Variants in GPLD1 observed in about 807,000 individuals in gnomAD.
GPLD1 encodes glycosylphosphatidylinositol specific phospholipase D1.
GPLD1 carries 84 observed loss-of-function variants against 112.6 expected under a neutral mutation model. The observed-to-expected ratio is 0.75, with a 90% CI of 0.63 to 0.89. GPLD1 has a LOEUF of 0.89. Among genes scored for constraint, GPLD1 ranks in the 40% least tolerant of loss-of-function variants. The pLI, the probability that GPLD1 is intolerant of heterozygous loss-of-function variation, is 0.00. For synonymous variants in GPLD1, 386 were observed against 403.8 expected, an observed-to-expected ratio of 0.96 and a Z score of 0.53; for missense variants, 1,044 against 1,051.5, an observed-to-expected ratio of 0.99 and a Z score of 0.10.
At chr6:24,479,618 C>T (rs1400505617) in intron 3 of GPLD1, among the ~76,000 whole-genome samples, 4 of 152,144 alleles carry the variant, frequency 2.6e-5, no homozygotes, top group Non-Finnish European at 5.9e-5. Flanking sequence ...TCTATCATGT[C>T]ACTTAGGTTT....
intron 20 of GPLD1, among the ~76,000 whole-genome samples, chr6:24,438,901 C>G (rs915303728): frequency 2.0e-5 from 3 of 152,162 alleles, no homozygotes; most frequent in African/African-American, 7.2e-5. Flanking sequence ...ATTCTCCTGC[C>G]TCAGCCTCCC....
At chr6:24,454,738 C>G (rs1283264313) in intron 13 of GPLD1, among the ~76,000 whole-genome samples, 2 of 152,216 alleles carry the variant, frequency 1.3e-5, no homozygotes, top group Non-Finnish European at 2.9e-5. Context: ...CCACCAGTTA[C>G]AGAGCTGGAT....
rs542596215 is a variant in GPLD1 at position 24,453,357 on chromosome 6, C to A, written c.1335+658G>T. 3.3e-5 allele frequency among the ~76,000 whole-genome samples: 5 copies of A among 152,288 alleles called. No homozygotes were observed. In the South Asian group the frequency reaches 1.0e-3, roughly 32 times the overall value. On this transcript the variant is annotated intron_variant, in intron 14 of 24. Coordinates refer to ENST00000230036, the MANE Select transcript of GPLD1 (RefSeq NM_001503.4). ...TTTTCTGTGAATCTAAAATTCTGGACGGATGCAGTGGCTCACGCCTGTAAT... is the reference window on the plus strand; with the variant it reads ...TTTTCTGTGAATCTAAAATTCTGGAAGGATGCAGTGGCTCACGCCTGTAAT...
chr6:24,469,975 G>C (rs1449568517), intron 7 of GPLD1, among the ~76,000 whole-genome samples: 1 of 152,040 alleles, frequency 6.6e-6, no homozygotes, highest in Non-Finnish European at 1.5e-5. Flanking sequence ...TTTTTTAAAT[G>C]AATCACCAAG....
intron 12 of GPLD1, among the ~76,000 whole-genome samples, chr6:24,458,039 G>T (rs1374263891): frequency 6.6e-6 from 1 of 151,582 alleles, no homozygotes; most frequent in Admixed American, 6.6e-5. Flanking sequence ...TCTTAATGTG[G>T]TTACTGCAGA....
At chr6:24,452,468 C>G (rs1270621952) in intron 14 of GPLD1, among the ~76,000 whole-genome samples, 1 of 152,112 alleles carries the variant, frequency 6.6e-6, no homozygotes, top group African/African-American at 2.4e-5. Flanking sequence ...AATCATTGTA[C>G]TTCTTATTTT....
chr6:24,449,000 A>AT (rs1172379610), intron 15 of GPLD1, among the ~76,000 whole-genome samples: 1 of 152,102 alleles, frequency 6.6e-6, no homozygotes, highest in Non-Finnish European at 1.5e-5. Context: ...AGAAGGGGAT[A>AT]TAACAGGTAC....
chr6:24,449,985 G>T, intron 14 of GPLD1, 86 bp from the exon 15 acceptor site: 1 of 900,856 alleles, frequency 1.1e-6, no homozygotes. Context: ...GAGAGGCCTG[G>T]GACAACCCCC....
At chr6:24,487,291 C>T (rs1387957974) in intron 1 of GPLD1, among the ~76,000 whole-genome samples, 2 of 152,014 alleles carry the variant, frequency 1.3e-5, no homozygotes, top group Non-Finnish European at 2.9e-5. Context: ...AAAAAGTGAA[C>T]CAAAATATTT....
At chr6:24,491,817 T>C (rs1214981714), upstream of GPLD1, among the ~76,000 whole-genome samples, 37 of 152,186 alleles carry the variant, frequency 2.4e-4, no homozygotes, top group Admixed American at 2.4e-3. Flanking sequence ...ATAAATGTAA[T>C]AAAATAAGAG....
At chr6:24,461,841 A>C (rs549144836) in intron 11 of GPLD1, among the ~76,000 whole-genome samples, 1 of 152,338 alleles carries the variant, frequency 6.6e-6, no homozygotes, top group Non-Finnish European at 1.5e-5. Context: ...CCTGGCACGT[A>C]CTGATTAATA....
rs779798309 is a variant in GPLD1, at chr6:24,495,075, C to G, written n.131G>C. 17 of 1,323,684 alleles carry G rather than the reference C, an allele frequency of 1.3e-5. No individual in the cohort carries two copies. In the African/African-American group the frequency reaches 2.3e-4, roughly 18 times the overall value. The allele number at this position is 1,323,684 out of a possible 1,614,324, so 82.0% of individuals were successfully genotyped here. On this transcript the variant is annotated non_coding_transcript_exon_variant, in exon 1 of 11. Transcript: ENST00000474784. ...GTTTCCAGGCTGCCGCCTCCGCCCC[C>G]GCGCCGGCGGCCTGGTCCCTGCCTC...
At chr6:24,457,349 A>G (rs1005792447) in intron 12 of GPLD1, among the ~76,000 whole-genome samples, 2 of 152,004 alleles carry the variant, frequency 1.3e-5, no homozygotes, top group East Asian at 3.9e-4. Context: ...AGTGTGGTGG[A>G]GCGTGCCTGT....
chr6:24,494,804 G>C (rs1197866066), intron 1 of GPLD1: 1 of 573,168 alleles, frequency 1.7e-6, no homozygotes, highest in Middle Eastern at 5.4e-4. Flanking sequence ...AGGTGCAGAG[G>C]GCGGCGCGGC....
At chr6:24,429,312 C>T (rs930538469) in intron 24 of GPLD1, among the ~76,000 whole-genome samples, 194 bp from the exon 25 acceptor site, 3 of 152,112 alleles carry the variant, frequency 2.0e-5, no homozygotes, top group Admixed American at 6.5e-5. Context: ...TTCTGAAAAC[C>T]GCAGCTAAGG....
chr6:24,454,752 C>G (rs1052064542), intron 13 of GPLD1, among the ~76,000 whole-genome samples: 3 of 152,206 alleles, frequency 2.0e-5, no homozygotes, highest in African/African-American at 4.8e-5. Context: ...GCTGGATAAA[C>G]CGAGTCAAAG....
Position 24,454,050 on chromosome 6 carries a change from C to CCAGGTCCAGGTCAACAGGTGG in GPLD1, c.1279_1299dup (p.Pro427_Leu433dup). ...TCAAGGATCCTGTGGGCCTCCTTGT[C>CCAGGTCCAGGTCAACAGGTGG]CAGGTCCAGGTCAACAGGTGGCAGG... On this transcript the variant is annotated inframe_insertion, in exon 14 of 25. Coordinates refer to ENST00000230036, the MANE Select transcript of GPLD1 (RefSeq NM_001503.4). The CCAGGTCCAGGTCAACAGGTGG allele has an allele frequency of 2.5e-6, 4 of 1,613,244 alleles. No individual in the cohort carries two copies. Among genetic ancestry groups the CCAGGTCCAGGTCAACAGGTGG allele is most frequent in the Non-Finnish European group, 3.4e-6 (4 of 1,179,452 alleles).
chr6:24,454,256 T>C, intron 13 of GPLD1, 55 bp from the exon 14 acceptor site: 4 of 1,280,376 alleles, frequency 3.1e-6, no homozygotes, highest in Non-Finnish European at 4.2e-6. Flanking sequence ...GGGTTAAAGC[T>C]GTCGCCTGCT....
rs1139460 is a variant in GPLD1 at position 24,479,936 on chromosome 6, C to T, written c.177G>A (p.Ala59=). ...YRELLLEHQD[A]YQAGIVFPDC... is the part of the protein sequence containing the mutation. ...CAGGAAACACGATTCCAGCCTGATA[C>T]GCATCCTGGTGTTCTAGTAACAGCT... is the stretch of plus-strand genomic sequence containing the variant. The change falls in exon 3 of 25, where the codon GCG becomes GCA. Residue 59 remains alanine, a synonymous_variant. Coordinates refer to ENST00000230036, the MANE Select transcript of GPLD1 (RefSeq NM_001503.4). 9.3e-6 allele frequency: 15 copies of T among 1,608,700 alleles called. No individual in the cohort carries two copies. Among genetic ancestry groups the T allele is most frequent in the East Asian group, 4.5e-5 (2 of 44,854 alleles).
Sources: gnomAD v4.1 joint callset for allele counts (sites outside exome capture counted in the v4.1 genomes callset) on GRCh38, gnomAD v4.1.1 for gene constraint, MANE v1.5 for transcripts, NCBI Gene and HGNC (gene_info 2026-07-23, HGNC 2026-07-21) for gene names.